FRMD7: variants seen among roughly 807,000 people sequenced by gnomAD.
The protein encoded by FRMD7 is FERM domain-containing protein 7.
FRMD7 carries 14 observed loss-of-function variants against 44.1 expected under a neutral mutation model. The observed-to-expected ratio is 0.32, with a 90% CI of 0.21 to 0.50. FRMD7 has a LOEUF of 0.50. FRMD7 is among the 20% of genes least tolerant of loss of function. The probability of loss-of-function intolerance (pLI) is 0.99; values close to 1 mark genes in which losing one functional copy is unlikely to be tolerated. For synonymous variants in FRMD7, 212 were observed against 187.4 expected (o/e 1.13, Z -1.07); for missense variants, 501 against 522.3 (o/e 0.96, Z 0.40).
chrX:132,093,038 C>A (rs1015009558), intron 5 of FRMD7, among the ~76,000 whole-genome samples: 4 of 111,411 alleles, frequency 3.6e-5, no homozygotes, highest in Non-Finnish European at 5.6e-5. Flanking sequence ...TAAGGCCCAG[C>A]ACAAAAGCCA....
intron 8 of FRMD7, among the ~76,000 whole-genome samples, chrX:132,083,819 G>A (rs371501278): frequency 3.6e-5 from 4 of 111,235 alleles, no homozygotes; most frequent in African/African-American, 9.8e-5. Flanking sequence ...AAAAATTAGC[G>A]AAGTGTGGTG....
At chrX:132,090,994 A>G (rs1233042161) in intron 5 of FRMD7, among the ~76,000 whole-genome samples, 1 of 111,075 alleles carries the variant, frequency 9.0e-6, no homozygotes, top group Non-Finnish European at 1.9e-5. Context: ...TCTCTCCTGT[A>G]ATATCCTTTT....
chrX:132,080,024 G>A lies in FRMD7; in HGVS notation c.1032C>T (p.Leu344=), dbSNP rs1236683854. 5 of 1,187,237 alleles carry A rather than the reference G, an allele frequency of 4.2e-6. No individual in the cohort carries two copies. Among genetic ancestry groups the A allele is most frequent in the Non-Finnish European group, 2.3e-6 (2 of 874,654 alleles). Residue 344 remains leucine, a synonymous_variant, in exon 11 of 12, where the codon CTC becomes CTT. Transcript: ENST00000298542. ...ERQCRSSPDL[L]SDVSKQVEDL... ...ACCTTACTTGTTTTGACACATCAGA[G>A]AGGAGGTCTGGTGAGGACCTGCACT... is the stretch of plus-strand genomic sequence containing the variant.
At chrX:132,127,569 T>C (rs756610581) in intron 1 of FRMD7, among the ~76,000 whole-genome samples, 2 of 112,275 alleles carry the variant, frequency 1.8e-5, no homozygotes, top group African/African-American at 6.5e-5. Flanking sequence ...GCTATTGTTG[T>C]CCCTTGAGAA....
rs1276836299 is a variant in FRMD7, at chrX:132,077,542, T to C, written c.*330A>G. The C allele has an allele frequency of 3.9e-6, 1 of 258,087 alleles. No homozygotes were observed. The highest frequency in any genetic ancestry group is 2.8e-5 in the African/African-American group (1 of 36,156). 21.3% of individuals were successfully genotyped at this position (258,087 alleles called of 1,213,427 possible). A position where few individuals can be genotyped will look rare whatever the true frequency, so the allele number is the denominator to read the frequency against. On this transcript the variant is annotated 3_prime_UTR_variant, in exon 12 of 12. Transcript: ENST00000298542. ...GCTAATTCCATATGCCAACCCATAC[T>C]GTCACCATTCTTCAGCATTGAAGAG...
Position 132,078,105 on chromosome X carries a change from C to T in FRMD7, c.1912G>A (p.Asp638Asn), listed in dbSNP as rs1203078487. ...AEQELPAVLM[D>N]QSTAERYVAS... The stretch of plus-strand genomic sequence containing the variant: ...ACATACCTTTCTGCTGTACTTTGAT[C>T]CATTAGAACTGCTGGCAACTCCTGC... Residue 638 changes from aspartate to asparagine, a missense_variant, in exon 12 of 12, where the codon GAT (aspartate) becomes AAT (asparagine). Asp to Asn is a conservative substitution (Grantham distance 23). Coordinates refer to ENST00000298542, the MANE Select transcript of FRMD7 (RefSeq NM_194277.3). The T allele has an allele frequency of 4.1e-6, 5 of 1,209,248 alleles. No individual in the cohort carries two copies. The highest frequency in any genetic ancestry group is 4.5e-6 in the Non-Finnish European group (4 of 894,438).
In FRMD7 at chrX:132,084,500, G is replaced by C; in HGVS notation, c.731C>G (p.Ala244Gly). The C allele has an allele frequency of 8.7e-7, 1 of 1,147,901 alleles. No individual in the cohort carries two copies. Among genetic ancestry groups the C allele is most frequent in the Non-Finnish European group, 1.2e-6 (1 of 837,193 alleles). 94.6% of individuals were successfully genotyped at this position (1,147,901 alleles called of 1,213,427 possible). A position where few individuals can be genotyped will look rare whatever the true frequency, so the allele number is the denominator to read the frequency against. The change falls in exon 8 of 12, where the codon GCC becomes GGC. Residue 244 changes from alanine to glycine, a missense_variant. Transcript: ENST00000298542. ...TAGAAAGCTACTTACCAAGATATTG[G>C]CATGAAGTTTGATGAGAAAATGCTT... ...KRKHFLIKLH[A>G]NILVLCKDTL...
At chrX:132,123,098 C>T (rs1929075829) in intron 1 of FRMD7, among the ~76,000 whole-genome samples, 1 of 87,513 alleles carries the variant, frequency 1.1e-5, no homozygotes, top group South Asian at 4.9e-4. Flanking sequence ...CATACTTCCC[C>T]CACAATCTAC....
chrX:132,110,683 C>A (rs759034988), intron 1 of FRMD7, among the ~76,000 whole-genome samples: 1 of 112,287 alleles, frequency 8.9e-6, no homozygotes, highest in South Asian at 3.7e-4. Context: ...TTACTGAATT[C>A]TCCCCACACC....
At chrX:132,104,619 G>A (rs1018145127) in intron 1 of FRMD7, among the ~76,000 whole-genome samples, 14 of 111,587 alleles carry the variant, frequency 1.3e-4, no homozygotes, top group Admixed American at 2.8e-4. Flanking sequence ...TGTGAACCCG[G>A]GAGGCGGAGC....
At chrX:132,088,236 C>A (rs1241011361) in intron 5 of FRMD7, among the ~76,000 whole-genome samples, 1 of 112,395 alleles carries the variant, frequency 8.9e-6, no homozygotes, top group Non-Finnish European at 1.9e-5. Flanking sequence ...TTTACTTGCA[C>A]TCAACATGAT....
chrX:132,079,500 T>C (rs1282424573), intron 11 of FRMD7, among the ~76,000 whole-genome samples: 1 of 112,148 alleles, frequency 8.9e-6, no homozygotes, highest in Non-Finnish European at 1.9e-5. Flanking sequence ...GACCTATAAT[T>C]ATTTTTTTAG....
intron 5 of FRMD7, among the ~76,000 whole-genome samples, chrX:132,093,530 T>C (rs1382224462): frequency 8.9e-6 from 1 of 112,756 alleles, no homozygotes; most frequent in Non-Finnish European, 1.9e-5. Context: ...TGTTGGTTGT[T>C]AGGATATGGG....
rs186194610 is a variant in FRMD7, at chrX:132,081,135, T to C, written c.906-869A>G. Among the ~76,000 whole-genome samples the C allele has an allele frequency of 8.4e-3, 935 of 111,341 alleles. 10 individuals carry two copies. The highest frequency in any genetic ancestry group is 0.029 in the African/African-American group (882 of 30,627). ...GGATTACAAGGTCAGGGGTCCAAGA[T>C]CAGCCTGGCCAAGATGGTGAAACCC... On this transcript the variant is annotated intron_variant, in intron 9 of 11. Transcript: ENST00000298542.
At chrX:132,107,650 T>A (rs1928681789) in intron 1 of FRMD7, among the ~76,000 whole-genome samples, 1 of 84,229 alleles carries the variant, frequency 1.2e-5, no homozygotes, top group South Asian at 4.6e-4. Context: ...AGAATCTTCC[T>A]CTTCTTATAA....
chrX:132,079,061 T>A (rs960454788), intron 11 of FRMD7, 95 bp from the exon 12 acceptor site: 6 of 728,376 alleles, frequency 8.2e-6, no homozygotes, highest in Admixed American at 2.2e-5. Context: ...TGAAAGGTAG[T>A]TTTTCATAAA....
Position 132,085,648 on chromosome X carries a change from G to A in FRMD7, c.578C>T (p.Pro193Leu). Residue 193 changes from proline (P) to leucine (L), a missense_variant, in exon 7 of 12, where the codon CCC becomes CTC. Coordinates refer to ENST00000298542, the MANE Select transcript of FRMD7 (RefSeq NM_194277.3). ...KLDMYGIRPHPASDGEGMQIH... is the reference protein window; with the variant it reads ...KLDMYGIRPHLASDGEGMQIH... ...CTGCATCCCTTCACCATCACTGGCG[G>A]GGTGAGGCCTGATGCCATACATATC... The A allele has an allele frequency of 8.3e-7, 1 of 1,208,886 alleles. No individual in the cohort carries two copies. Among genetic ancestry groups the A allele is most frequent in the Admixed American group, 2.2e-5 (1 of 46,046 alleles).
At chrX:132,114,157 T>G (rs780870467) in intron 1 of FRMD7, among the ~76,000 whole-genome samples, 1 of 111,460 alleles carries the variant, frequency 9.0e-6, no homozygotes, top group Non-Finnish European at 1.9e-5. Context: ...CTCACTATGT[T>G]GCCCAGCAGG....
chrX:132,106,876 T>C (rs962199885), intron 1 of FRMD7, among the ~76,000 whole-genome samples: 1 of 111,136 alleles, frequency 9.0e-6, no homozygotes, highest in Admixed American at 9.6e-5. Context: ...TACTTGAGGG[T>C]GGAGTGTGGC....
Sources: gnomAD v4.1 joint callset for allele counts (sites outside exome capture counted in the v4.1 genomes callset) on GRCh38, gnomAD v4.1.1 for gene constraint, MANE v1.5 for transcripts, NCBI Gene and HGNC (gene_info 2026-07-23, HGNC 2026-07-21) for gene names.